The following PTPRN2 variants were observed in gnomAD, a reference collection of about 807,000 sequenced individuals.
PTPRN2 encodes protein tyrosine phosphatase receptor type N2, also known as receptor-type tyrosine-protein phosphatase N2.
A neutral mutation model predicts 118.8 loss-of-function variants in PTPRN2; 74 were observed. The observed-to-expected ratio is 0.62, with a 90% CI of 0.52 to 0.76. The LOEUF (loss-of-function observed/expected upper bound fraction) is 0.76, where lower values mean the gene tolerates loss of function less well. PTPRN2 is among the 30% of genes least tolerant of loss of function. PTPRN2 has a pLI of 0.00. For synonymous variants in PTPRN2, 641 were observed against 608.0 expected (o/e 1.05, Z -0.80); for missense variants, 1,481 against 1,394.4 (o/e 1.06, Z -0.99).
chr7:158,299,173 G>C (rs1800700239), intron 3 of PTPRN2, among the ~76,000 whole-genome samples: 1 of 152,154 alleles, frequency 6.6e-6, no homozygotes, highest in Non-Finnish European at 1.5e-5. Context: ...CCCAAGACTG[G>C]CATATTCCCG....
chr7:158,545,009 C>A (rs995075125), intron 1 of PTPRN2, among the ~76,000 whole-genome samples: 1 of 152,190 alleles, frequency 6.6e-6, no homozygotes, highest in African/African-American at 2.4e-5. Flanking sequence ...TCCTCCCAGG[C>A]CCCCTCTGGA....
chr7:158,372,895 G>GC (rs1215313309), intron 2 of PTPRN2, among the ~76,000 whole-genome samples: 1 of 152,218 alleles, frequency 6.6e-6, no homozygotes, highest in Non-Finnish European at 1.5e-5. Context: ...GGTCCAAGCA[G>GC]CCACATAGGG....
chr7:158,445,109 G>A (rs1004839534), intron 2 of PTPRN2, among the ~76,000 whole-genome samples: 1 of 152,186 alleles, frequency 6.6e-6, no homozygotes, highest in African/African-American at 2.4e-5. Context: ...CGCTGGGCAA[G>A]AGCCTCCTCC....
At position 158,111,018 on chromosome 7, in the gene PTPRN2, C is replaced by A; in HGVS notation, c.1557-103G>T. The A allele has an allele frequency of 3.1e-6, 3 of 982,860 alleles. No individual in the cohort carries two copies. The South Asian group carries it at 4.5e-5, about 15-fold the overall frequency. 60.9% of individuals were successfully genotyped at this position (982,860 alleles called of 1,614,324 possible). ...AGCCCCGCTCCCTGGTCCCCACACA[C>A]ACCCTGCTCTCCTGGCCTGGGGTCA... is the stretch of plus-strand genomic sequence containing the variant. On this transcript the variant is annotated intron_variant, in intron 9 of 22. Coordinates refer to ENST00000389418, the MANE Select transcript of PTPRN2 (RefSeq NM_002847.5).
chr7:158,444,139 G>A (rs1586691279), intron 2 of PTPRN2, among the ~76,000 whole-genome samples: 3 of 152,222 alleles, frequency 2.0e-5, no homozygotes, highest in African/African-American at 7.2e-5. Flanking sequence ...AGGGAGACAG[G>A]CACCTGCCCC....
intron 12 of PTPRN2, among the ~76,000 whole-genome samples, chr7:157,692,219 G>GC (rs556366720): frequency 0.012 from 1,752 of 151,710 alleles, 19 homozygotes; most frequent in Non-Finnish European, 0.015. Context: ...GCCACTCGAC[G>GC]CCCCTCCCGC....
chr7:157,721,806 C>T (rs1799251689), intron 12 of PTPRN2, among the ~76,000 whole-genome samples: 1 of 152,232 alleles, frequency 6.6e-6, no homozygotes, highest in Non-Finnish European at 1.5e-5. Context: ...ACCCCAGGGG[C>T]CTGGGGCTCC....
At chr7:158,147,960 C>CCA (rs1820366414) in intron 6 of PTPRN2, among the ~76,000 whole-genome samples, 1 of 68,094 alleles carries the variant, frequency 1.5e-5, no homozygotes, top group Non-Finnish European at 3.1e-5. Context: ...CCATCTCACG[C>CCA]CAGGTGTCTT....
chr7:157,954,596 GTGTGTGTGTGGTGTGGGT>G (rs1801066868), intron 11 of PTPRN2, among the ~76,000 whole-genome samples: 1 of 150,464 alleles, frequency 6.6e-6, no homozygotes, highest in African/African-American at 2.4e-5. Context: ...TGTGTGTGGT[GTGTGTGTGTGGTGTGGGT>G]TGTGGTGCCT....
intron 12 of PTPRN2, among the ~76,000 whole-genome samples, chr7:157,713,458 C>T (rs1281991694): frequency 6.6e-6 from 1 of 152,028 alleles, no homozygotes; most frequent in Non-Finnish European, 1.5e-5. Flanking sequence ...CGTTCCAAGT[C>T]TCTATCTTTT....
At chr7:157,945,157 G>A (rs1800391292) in intron 11 of PTPRN2, among the ~76,000 whole-genome samples, 1 of 152,096 alleles carries the variant, frequency 6.6e-6, no homozygotes, top group African/African-American at 2.4e-5. Context: ...GCAGGGATGC[G>A]GAGGCCCCAG....
At position 158,426,134 on chromosome 7, in the gene PTPRN2, A is replaced by G. The variant is rs868187786; in HGVS notation, c.163+63601T>C. Among the ~76,000 whole-genome samples the G allele has an allele frequency of 8.7e-4, 2 of 2,304 alleles. 1 individual carries two copies. The highest frequency in any genetic ancestry group is 1.3e-3 in the Non-Finnish European group (2 of 1,552). The allele number at this position is 2,304 out of a possible 152,430, so 1.5% of individuals were successfully genotyped here. Reference sequence around the variant, plus strand: ...GCGGTGTCCGAGACCAGCCTAGCTGAGGCCTGCGCACCGCCGGGAAAGACG... The same window carrying G: ...GCGGTGTCCGAGACCAGCCTAGCTGGGGCCTGCGCACCGCCGGGAAAGACG... On this transcript the variant is annotated intron_variant, in intron 2 of 22. Transcript: ENST00000389418.
intron 2 of PTPRN2, among the ~76,000 whole-genome samples, chr7:158,330,128 A>G (rs370156558): frequency 5.7e-4 from 41 of 71,684 alleles, no homozygotes; most frequent in African/African-American, 1.9e-3. Flanking sequence ...AAGAGCTGAC[A>G]CCCGCAGACG....
At chr7:157,720,431 G>A (rs572374955) in intron 12 of PTPRN2, among the ~76,000 whole-genome samples, 61 of 152,326 alleles carry the variant, frequency 4.0e-4, no homozygotes, top group African/African-American at 1.3e-3. Flanking sequence ...GTTTGGGAAC[G>A]CGTGCGGCCC....
Position 157,573,453 on chromosome 7 carries a change from G to C in PTPRN2, c.2784-1960C>G, listed in dbSNP as rs146066614. Among the ~76,000 whole-genome samples, 375 of 152,354 alleles carry C rather than the reference G, an allele frequency of 2.5e-3. 1 individual carries two copies. The highest frequency in any genetic ancestry group is 8.6e-3 in the African/African-American group (357 of 41,582). On this transcript the variant is annotated intron_variant, in intron 19 of 22. Coordinates refer to ENST00000389418, the MANE Select transcript of PTPRN2 (RefSeq NM_002847.5). ...GTGGTCCACTCTACGCAGAGACTAA[G>C]CTCAGCTTCTGGGTCCACACCCACC... is the stretch of plus-strand genomic sequence containing the variant.
chr7:158,075,003 C>A (rs574743814), intron 11 of PTPRN2, among the ~76,000 whole-genome samples: 1 of 150,956 alleles, frequency 6.6e-6, no homozygotes, highest in Non-Finnish European at 1.5e-5. Context: ...GTAGCCCTGT[C>A]GATGGCGATG....
At chr7:158,443,574 G>A (rs1019534057) in intron 2 of PTPRN2, among the ~76,000 whole-genome samples, 3 of 151,714 alleles carry the variant, frequency 2.0e-5, no homozygotes, top group African/African-American at 4.8e-5. Flanking sequence ...GGCGTGGGGC[G>A]ACTCCTCCCA....
At chr7:158,503,799 T>C (rs531234641) in intron 1 of PTPRN2, among the ~76,000 whole-genome samples, 1 of 152,160 alleles carries the variant, frequency 6.6e-6, no homozygotes, top group South Asian at 2.1e-4. Flanking sequence ...GCAGGAGTTG[T>C]AGACCAGCCT....
At chr7:158,494,998 C>CA (rs1821726482) in intron 1 of PTPRN2, among the ~76,000 whole-genome samples, 1 of 152,178 alleles carries the variant, frequency 6.6e-6, no homozygotes, top group African/African-American at 2.4e-5. Context: ...CTGTTACTGT[C>CA]AGTCACTCTG....
Sources: gnomAD v4.1 joint callset for allele counts (sites outside exome capture counted in the v4.1 genomes callset) on GRCh38, gnomAD v4.1.1 for gene constraint, MANE v1.5 for transcripts, NCBI Gene and HGNC (gene_info 2026-07-23, HGNC 2026-07-21) for gene names.